TLN2: variants seen among roughly 807,000 people sequenced by gnomAD.
TLN2 encodes talin-2.
In TLN2, 118 loss-of-function variants were observed where a neutral mutation model predicts 294.7. That is an observed-to-expected ratio of 0.40 (90% CI 0.34 to 0.47). TLN2 has a LOEUF of 0.47. Among genes scored for constraint, TLN2 ranks in the 20% least tolerant of loss-of-function variants. TLN2 has a pLI of 0.84. For missense variants in TLN2, 3,083 were observed against 3,282.2 expected (o/e 0.94, Z 1.48); for synonymous variants, 1,431 against 1,304.5 (o/e 1.10, Z -2.09).
intron 1 of TLN2, among the ~76,000 whole-genome samples, chr15:62,502,033 C>T (rs777289300): frequency 1.1e-4 from 16 of 152,142 alleles, no homozygotes; most frequent in Non-Finnish European, 1.3e-4. Flanking sequence ...TCTCTTTGTC[C>T]TAAGCCTATG....
chr15:62,467,934 G>C (rs1475960511), intron 1 of TLN2, among the ~76,000 whole-genome samples: 1 of 152,086 alleles, frequency 6.6e-6, no homozygotes, highest in Non-Finnish European at 1.5e-5. Context: ...GGTTGGAGCA[G>C]AAAAGACACA....
intron 45 of TLN2, among the ~76,000 whole-genome samples, chr15:62,785,479 A>G (rs950351944): frequency 2.6e-5 from 4 of 152,168 alleles, no homozygotes; most frequent in African/African-American, 9.7e-5. Flanking sequence ...CCTGGCCAAC[A>G]TGGCGTACCC....
chr15:62,533,509 T>C (rs1461540160), intron 1 of TLN2, among the ~76,000 whole-genome samples: 1 of 152,094 alleles, frequency 6.6e-6, no homozygotes, highest in Non-Finnish European at 1.5e-5. Context: ...AGGATCATTA[T>C]AAATATATAT....
intron 50 of TLN2, among the ~76,000 whole-genome samples, chr15:62,802,294 C>A (rs2065979941): frequency 6.6e-6 from 1 of 151,914 alleles, no homozygotes; most frequent in East Asian, 1.9e-4. Flanking sequence ...GATAGGATCT[C>A]ATTTTTTTTT....
intron 2 of TLN2, among the ~76,000 whole-genome samples, chr15:62,614,140 A>G (rs1279242771): frequency 6.6e-6 from 1 of 152,216 alleles, no homozygotes; most frequent in Non-Finnish European, 1.5e-5. Context: ...CTCAAAAATG[A>G]GTGCTTTTAA....
At chr15:62,707,446 C>T (rs1265123320) in intron 20 of TLN2, among the ~76,000 whole-genome samples, 193 bp downstream of exon 20, 1 of 152,182 alleles carries the variant, frequency 6.6e-6, no homozygotes, top group Non-Finnish European at 1.5e-5. Context: ...GTTCTTTGCC[C>T]AAGTCCTCAG....
rs115818472 is a variant in TLN2 at position 62,402,862 on chromosome 15, A to C, written c.-238+12177A>C. ...TCTCTTGGCTTTCATACATGCAGCT[A>C]TCTCCTTTCCCTTTTGCATCATCAG... On this transcript the variant is annotated intron_variant, in intron 1 of 58. Coordinates refer to ENST00000636159, the MANE Select transcript of TLN2 (RefSeq NM_015059.3). Among the ~76,000 whole-genome samples, 338 of 152,334 alleles carry C rather than the reference A, an allele frequency of 2.2e-3. 3 individuals are homozygous for C. The highest frequency in any genetic ancestry group is 7.5e-3 in the African/African-American group (312 of 41,566).
At chr15:62,563,942 G>A (rs1316846459) in intron 1 of TLN2, among the ~76,000 whole-genome samples, 2 of 152,200 alleles carry the variant, frequency 1.3e-5, no homozygotes, top group African/African-American at 4.8e-5. Flanking sequence ...CAGGAAGGGA[G>A]ACCTGACCTT....
At chr15:62,433,834 C>T (rs2035146995) in intron 1 of TLN2, among the ~76,000 whole-genome samples, 4 of 148,244 alleles carry the variant, frequency 2.7e-5, no homozygotes, top group Admixed American at 2.1e-4. Flanking sequence ...ACTAAAAATA[C>T]AAAAATTAGC....
chr15:62,761,350 G>C (rs974126936), intron 37 of TLN2, among the ~76,000 whole-genome samples: 5 of 152,224 alleles, frequency 3.3e-5, no homozygotes, highest in African/African-American at 1.2e-4. Context: ...GAGGAAAGTA[G>C]TCCCGCTGCA....
intron 1 of TLN2, among the ~76,000 whole-genome samples, chr15:62,582,248 A>ACACACACACACCCCCC (rs61558468): frequency 7.2e-6 from 1 of 139,418 alleles, no homozygotes; most frequent in Admixed American, 7.2e-5. Flanking sequence ...ACACACACAC[A>ACACACACACACCCCCC]TTCATGCCTG....
chr15:62,415,162 G>T lies in TLN2; in HGVS notation c.-238+24477G>T, dbSNP rs1436575522. ...GACCTCAGGTGATCTGCCCACCTCA[G>T]TTTCCCAAAGTGCTGGATTACAGGC... On this transcript the variant is annotated intron_variant, in intron 1 of 58. Coordinates refer to ENST00000636159, the MANE Select transcript of TLN2 (RefSeq NM_015059.3). Among the ~76,000 whole-genome samples, 3 of 141,158 alleles carry T rather than the reference G, an allele frequency of 2.1e-5. 1 individual carries two copies. The East Asian group carries it at 1.0e-3, about 49-fold the overall frequency. 92.6% of individuals were successfully genotyped at this position (141,158 alleles called of 152,430 possible). A position where few individuals can be genotyped will look rare whatever the true frequency, so the allele number is the denominator to read the frequency against.
chr15:62,804,143 C>T (rs187951424), intron 50 of TLN2, among the ~76,000 whole-genome samples: 11 of 152,262 alleles, frequency 7.2e-5, no homozygotes, highest in Non-Finnish European at 1.3e-4. Context: ...TGTGCTGAGC[C>T]TCCTGAAGCT....
chr15:62,806,276 G>A (rs28564086), intron 51 of TLN2, among the ~76,000 whole-genome samples: 12,139 of 152,248 alleles, frequency 0.08, 714 homozygotes, highest in East Asian at 0.2. Context: ...GTGTTTGAGA[G>A]GGGATGGAGT....
intron 1 of TLN2, among the ~76,000 whole-genome samples, chr15:62,413,446 A>G (rs1253783397): frequency 6.6e-6 from 1 of 152,194 alleles, no homozygotes; most frequent in Non-Finnish European, 1.5e-5. Context: ...TACAAGGCAT[A>G]AAGATCAGGA....
chr15:62,473,224 T>G (rs1476312144), intron 1 of TLN2, among the ~76,000 whole-genome samples: 1 of 152,180 alleles, frequency 6.6e-6, no homozygotes, highest in East Asian at 1.9e-4. Context: ...AACTGTTCCT[T>G]GTCAGGCCCC....
At chr15:62,739,987 C>T (rs1478013939) in intron 31 of TLN2, among the ~76,000 whole-genome samples, 1 of 151,744 alleles carries the variant, frequency 6.6e-6, no homozygotes, top group African/African-American at 2.4e-5. Flanking sequence ...CAGATAAACC[C>T]CTTGTTTAGA....
In TLN2 at chr15:62,701,163, C is replaced by G. The variant is rs2058697098; in HGVS notation, c.1645C>G (p.Gln549Glu). The G allele has an allele frequency of 1.2e-6, 2 of 1,614,146 alleles. No homozygotes were observed. The highest frequency in any genetic ancestry group is 1.7e-6 in the Non-Finnish European group (2 of 1,180,030). ...CGAATCCAAACACGAAATCCATTCT[C>G]AAGTTGATGCTATCACGGCCGGAAC... ...VDESKHEIHS[Q>E]VDAITAGTAS... The change falls in exon 17 of 59, where the codon CAA (glutamine) becomes GAA (glutamate). Residue 549 changes from glutamine to glutamate, a missense_variant. Coordinates refer to ENST00000636159, the MANE Select transcript of TLN2 (RefSeq NM_015059.3).
intron 52 of TLN2, 79 bp from the exon 53 acceptor site, chr15:62,819,437 C>A (rs1435827229): frequency 4.2e-6 from 5 of 1,204,354 alleles, no homozygotes; most frequent in African/African-American, 3.0e-5. Flanking sequence ...GACTCCACAT[C>A]CAGCAAGAGG....
Sources: allele counts gnomAD v4.1 joint callset (sites outside exome capture counted in the v4.1 genomes callset), GRCh38; gene constraint gnomAD v4.1.1; transcripts MANE v1.5; gene names NCBI Gene and HGNC (gene_info 2026-07-23, HGNC 2026-07-21).